TRPM3: variants seen among roughly 807,000 people sequenced by gnomAD.
TRPM3 encodes the protein transient receptor potential cation channel subfamily M member 3, also known as long transient receptor potential channel 3.
A neutral mutation model predicts 181.2 loss-of-function variants in TRPM3; 77 were observed. The ratio of observed to expected loss-of-function variants is 0.42; its 90% CI spans 0.35 to 0.51. The LOEUF (loss-of-function observed/expected upper bound fraction) is 0.51, where lower values mean the gene tolerates loss of function less well. TRPM3 is among the 20% of genes least tolerant of loss of function. TRPM3 has a pLI of 0.01. For missense variants in TRPM3, 1,759 were observed against 2,196.7 expected (o/e 0.80, Z 3.98); for synonymous variants, 745 against 796.4 (o/e 0.94, Z 1.09).
chr9:71,415,242 G>T (rs553909573), intron 1 of TRPM3, among the ~76,000 whole-genome samples: 2 of 152,022 alleles, frequency 1.3e-5, no homozygotes, highest in Non-Finnish European at 2.9e-5. Context: ...TGGCCCTCCT[G>T]ACACCTTGAT....
At chr9:70,649,490 AAC>A (rs2059337683) in intron 9 of TRPM3, among the ~76,000 whole-genome samples, 1 of 152,168 alleles carries the variant, frequency 6.6e-6, no homozygotes, top group African/African-American at 2.4e-5. Flanking sequence ...CACCCAGCTT[AAC>A]AGATACTTCT....
At chr9:71,256,404 T>G (rs1295509364) in intron 1 of TRPM3, among the ~76,000 whole-genome samples, 1 of 152,100 alleles carries the variant, frequency 6.6e-6, no homozygotes, top group African/African-American at 2.4e-5. Flanking sequence ...GCACATAGGA[T>G]TGAAGAACAT....
intron 1 of TRPM3, among the ~76,000 whole-genome samples, chr9:71,441,883 G>A (rs1038962553): frequency 6.6e-5 from 10 of 152,018 alleles, no homozygotes; most frequent in African/African-American, 1.2e-4. Context: ...CACCCGCCTC[G>A]GCCTCCCAAA....
At chr9:71,409,328 A>G (rs903978511) in intron 1 of TRPM3, among the ~76,000 whole-genome samples, 2 of 152,114 alleles carry the variant, frequency 1.3e-5, no homozygotes, top group African/African-American at 4.8e-5. Context: ...TGGATAAAGA[A>G]TCAAGACCCA....
intron 14 of TRPM3, among the ~76,000 whole-genome samples, chr9:70,623,839 G>A (rs1232591350): frequency 1.3e-5 from 2 of 151,380 alleles, no homozygotes; most frequent in Non-Finnish European, 2.9e-5. Context: ...ATGCACTTAT[G>A]CGATTGTTTG....
intron 7 of TRPM3, among the ~76,000 whole-genome samples, chr9:70,767,595 G>A (rs2079401582): frequency 6.6e-6 from 1 of 152,152 alleles, no homozygotes; most frequent in South Asian, 2.1e-4. Flanking sequence ...GGCCTCAACT[G>A]GAATAGCTGG....
chr9:71,212,412 T>A (rs1446707049), intron 1 of TRPM3, among the ~76,000 whole-genome samples: 3 of 152,130 alleles, frequency 2.0e-5, no homozygotes, highest in Non-Finnish European at 4.4e-5. Flanking sequence ...AGAATCAGTG[T>A]ATTATTGGTG....
In TRPM3 at chr9:71,380,022, G is replaced by A. The variant is rs565079328; in HGVS notation, c.183+66631C>T. On this transcript the variant is annotated intron_variant, in intron 1 of 24. Coordinates refer to the TRPM3 transcript ENST00000357533. ...CATCTAATTTTAAGATGGAGCAGGG[G>A]GAGGCAAGGCAGATTCTACTGATGT... Among the ~76,000 whole-genome samples the A allele has an allele frequency of 2.0e-5, 3 of 152,132 alleles. No homozygotes were observed. The South Asian group carries it at 6.2e-4, about 32-fold the overall frequency.
intron 1 of TRPM3, among the ~76,000 whole-genome samples, chr9:71,302,680 T>G (rs1219180881): frequency 6.6e-6 from 1 of 151,894 alleles, no homozygotes; most frequent in Non-Finnish European, 1.5e-5. Context: ...TAAGAGCTAG[T>G]CTTTGTTGAG....
At chr9:70,953,982 T>A (rs1340169742) in intron 1 of TRPM3, among the ~76,000 whole-genome samples, 1 of 152,142 alleles carries the variant, frequency 6.6e-6, no homozygotes, top group Non-Finnish European at 1.5e-5. Context: ...GTGGGTCTTC[T>A]CAGGCTGGGG....
intron 21 of TRPM3, among the ~76,000 whole-genome samples, chr9:70,596,414 T>C (rs537809860): frequency 6.6e-6 from 1 of 152,206 alleles, no homozygotes; most frequent in East Asian, 1.9e-4. Flanking sequence ...CAATGATACA[T>C]ATAGTAAATC....
chr9:70,875,042 C>T (rs991232517), intron 1 of TRPM3, among the ~76,000 whole-genome samples: 3 of 151,928 alleles, frequency 2.0e-5, no homozygotes, highest in Non-Finnish European at 2.9e-5. Context: ...TTTATCCTCA[C>T]AAGGTACAGA....
At chr9:71,208,400 C>T (rs1352811549) in intron 1 of TRPM3, among the ~76,000 whole-genome samples, 1 of 151,986 alleles carries the variant, frequency 6.6e-6, no homozygotes, top group East Asian at 1.9e-4. Flanking sequence ...GAATGAAATA[C>T]TAGGCTTTCA....
intron 5 of TRPM3, among the ~76,000 whole-genome samples, chr9:70,832,232 T>C (rs569305203): frequency 1.3e-5 from 2 of 150,564 alleles, no homozygotes; most frequent in Admixed American, 1.3e-4. Flanking sequence ...GCATGGCACA[T>C]GTATACATAT....
chr9:71,429,375 T>A (rs1383009870), intron 1 of TRPM3, among the ~76,000 whole-genome samples: 1 of 152,218 alleles, frequency 6.6e-6, no homozygotes, highest in Non-Finnish European at 1.5e-5. Context: ...ATTGGGCAAG[T>A]TATTTAATAT....
intron 1 of TRPM3, among the ~76,000 whole-genome samples, chr9:71,264,949 C>T (rs779254571): frequency 2.0e-5 from 3 of 152,064 alleles, no homozygotes; most frequent in Admixed American, 6.6e-5. Flanking sequence ...ATTAGTGGTG[C>T]GTGGGTGTGT....
At chr9:71,088,136 G>A (rs554569174) in intron 1 of TRPM3, among the ~76,000 whole-genome samples, 1 of 152,138 alleles carries the variant, frequency 6.6e-6, no homozygotes, top group African/African-American at 2.4e-5. Context: ...AAACATGTCG[G>A]GTTACAGTGA....
At chr9:70,553,449 A>G in intron 22 of TRPM3, 139 bp from the exon 23 acceptor site, 2 of 1,076,170 alleles carry the variant, frequency 1.9e-6, no homozygotes, top group Non-Finnish European at 2.6e-6. Flanking sequence ...CAAACAAGCC[A>G]AAATTGAAAA....
At chr9:70,573,352 A>T (rs2052967776) in intron 22 of TRPM3, among the ~76,000 whole-genome samples, 4 of 152,256 alleles carry the variant, frequency 2.6e-5, no homozygotes, top group Admixed American at 2.0e-4. Flanking sequence ...TCCTGGAAAA[A>T]TTCACAGCTC....
Sources: allele counts gnomAD v4.1 joint callset (sites outside exome capture counted in the v4.1 genomes callset), GRCh38; gene constraint gnomAD v4.1.1; transcripts MANE v1.5; gene names NCBI Gene and HGNC (gene_info 2026-07-23, HGNC 2026-07-21).